NOS1: variants seen among roughly 807,000 people sequenced by gnomAD.
NOS1 encodes the protein NOS type I.
A neutral mutation model predicts 164.5 loss-of-function variants in NOS1; 51 were observed. The ratio of observed to expected loss-of-function variants is 0.31; its 90% CI spans 0.25 to 0.39. The LOEUF is 0.39. NOS1 is among the 10% of genes least tolerant of loss of function. NOS1 has a pLI of 1.00. For synonymous variants in NOS1, 719 were observed against 745.8 expected (o/e 0.96, Z 0.59); for missense variants, 1,362 against 1,885.6 (o/e 0.72, Z 5.14).
intron 26 of NOS1, 44 bp downstream of exon 26, chr12:117,222,671 C>A: frequency 6.3e-7 from 1 of 1,585,138 alleles, no homozygotes; most frequent in Non-Finnish European, 8.6e-7. Flanking sequence ...TCCAAGTGTG[C>A]ATGTGTGTTG....
intron 3 of NOS1, among the ~76,000 whole-genome samples, chr12:117,305,325 G>C (rs182880513): frequency 1.3e-5 from 2 of 152,010 alleles, no homozygotes; most frequent in African/African-American, 4.8e-5. Flanking sequence ...TTAGCCGGAC[G>C]TGGTGGTGGG....
intron 9 of NOS1, among the ~76,000 whole-genome samples, chr12:117,275,168 C>G (rs559808452): frequency 3.3e-5 from 5 of 151,676 alleles, no homozygotes; most frequent in Non-Finnish European, 7.4e-5. Context: ...ATATATACAC[C>G]TACTATCTAC....
chr12:117,251,038 T>C (rs1214038997), intron 17 of NOS1, among the ~76,000 whole-genome samples: 1 of 152,196 alleles, frequency 6.6e-6, no homozygotes, highest in Admixed American at 6.5e-5. Flanking sequence ...TGTCATGGTA[T>C]TAGTGGCCTT....
At chr12:117,353,440 C>CGTAGAGACA (rs1317284361) in intron 1 of NOS1, among the ~76,000 whole-genome samples, 1 of 152,186 alleles carries the variant, frequency 6.6e-6, no homozygotes, top group East Asian at 1.9e-4. Flanking sequence ...TTATCTTCAG[C>CGTAGAGACA]GTAGAGACAG....
rs565345654 is a variant in NOS1 at position 117,291,529 on chromosome 12, C to CTTTTTTTTTTTT, written c.853-1115_853-1104dup. ...CCTCACTGATAAGGATTACATCTGT[C>CTTTTTTTTTTTT]TTTTTTTTTTTTTTTTTTTTTTGAG... On this transcript the variant is annotated intron_variant, in intron 3 of 28. Transcript: ENST00000317775. Among the ~76,000 whole-genome samples the CTTTTTTTTTTTT allele has an allele frequency of 2.7e-4, 26 of 97,378 alleles. 1 individual carries two copies. Among genetic ancestry groups the CTTTTTTTTTTTT allele is most frequent in the East Asian group, 7.0e-4 (2 of 2,842 alleles). The allele number at this position is 97,378 out of a possible 152,430, so 63.9% of individuals were successfully genotyped here.
At chr12:117,290,511 G>A in intron 3 of NOS1, 85 bp from the exon 4 acceptor site, 1 of 1,482,818 alleles carries the variant, frequency 6.7e-7, no homozygotes, top group South Asian at 1.3e-5. Flanking sequence ...GAGAGCCATT[G>A]TTCTTCCTGG....
Position 117,243,191 on chromosome 12 carries a change from G to A in NOS1, c.2962+106C>T, listed in dbSNP as rs1398465383. 7.2e-7 allele frequency: 1 copy of A among 1,392,696 alleles called. No individual in the cohort carries two copies. The highest frequency in any genetic ancestry group is 2.3e-5 in the East Asian group (1 of 43,564). 86.3% of individuals were successfully genotyped at this position (1,392,696 alleles called of 1,614,324 possible). On this transcript the variant is annotated intron_variant, in intron 19 of 28. Transcript: ENST00000317775. The surrounding 1 kb of genome is among the most constrained non-coding windows in gnomAD (Gnocchi z 4.3). ...TTTTGGTAGGACTGCACTAAAGGGAGATCAAAGCAATGAAGCCCATCTTCT... is the reference window on the plus strand; with the variant it reads ...TTTTGGTAGGACTGCACTAAAGGGAAATCAAAGCAATGAAGCCCATCTTCT...
chr12:117,294,073 A>C (rs1222163779), intron 3 of NOS1, among the ~76,000 whole-genome samples: 2 of 152,198 alleles, frequency 1.3e-5, no homozygotes, highest in East Asian at 3.8e-4. Flanking sequence ...TGAGAAAAAA[A>C]ACAAATAATC....
At chr12:117,286,835 T>C (rs1157793726) in intron 5 of NOS1, among the ~76,000 whole-genome samples, 1 of 152,220 alleles carries the variant, frequency 6.6e-6, no homozygotes, top group Non-Finnish European at 1.5e-5. Context: ...GCATTTACCA[T>C]TCTCATACAC....
In NOS1 at chr12:117,330,107, A is replaced by C. The variant is rs1469829794; in HGVS notation, c.725+238T>G. ...ACACTGTCTGCTACCATGATGATTA[A>C]TTCGCTCTGGGTTTTGTGACAAGAG... On this transcript the variant is annotated intron_variant, in intron 2 of 28. Coordinates refer to ENST00000317775, the MANE Select transcript of NOS1 (RefSeq NM_000620.5). The surrounding 1 kb of genome is among the most constrained non-coding windows in gnomAD (Gnocchi z 4.6). Among the ~76,000 whole-genome samples the C allele has an allele frequency of 6.6e-6, 1 of 152,204 alleles. No homozygotes were observed. The highest frequency in any genetic ancestry group is 1.5e-5 in the Non-Finnish European group (1 of 68,032).
intron 7 of NOS1, among the ~76,000 whole-genome samples, chr12:117,283,993 T>A (rs1481784925): frequency 6.6e-6 from 1 of 152,110 alleles, no homozygotes; most frequent in Non-Finnish European, 1.5e-5. Flanking sequence ...GGAAAAGAGT[T>A]GTCTTGGGAA....
rs562218832 is a variant in NOS1, at chr12:117,353,708, A to G, written c.-421+7804T>C. On this transcript the variant is annotated intron_variant, in intron 1 of 28. Coordinates refer to ENST00000317775, the MANE Select transcript of NOS1 (RefSeq NM_000620.5). ...TCATCAGAGTCACAAGATGAAGTAC[A>G]TGGGGCACAATGCTTGACTTAGATG... Among the ~76,000 whole-genome samples, 498 of 152,296 alleles carry G rather than the reference A, an allele frequency of 3.3e-3. 3 individuals are homozygous for G. Among genetic ancestry groups the G allele is most frequent in the Non-Finnish European group, 5.6e-3 (383 of 68,014 alleles).
At chr12:117,289,120 A>G (rs1872888817) in intron 4 of NOS1, among the ~76,000 whole-genome samples, 1 of 152,228 alleles carries the variant, frequency 6.6e-6, no homozygotes, top group South Asian at 2.1e-4. Flanking sequence ...GCCCAGGTTC[A>G]ACAAAAATTT....
At chr12:117,242,579 G>A in intron 20 of NOS1, 48 bp downstream of exon 20, 1 of 1,466,402 alleles carries the variant, frequency 6.8e-7, no homozygotes, top group Non-Finnish European at 9.6e-7. Flanking sequence ...ATCGTGGGTG[G>A]CATTTGGGAG....
chr12:117,331,075 C>T lies in NOS1; in HGVS notation c.-6G>A, dbSNP rs756187023. On this transcript the variant is annotated 5_prime_UTR_variant, in exon 2 of 29. Coordinates refer to ENST00000317775, the MANE Select transcript of NOS1 (RefSeq NM_000620.5). ...CCGAACATGTGATCCTCCATGGTAA[C>T]TAGCTTCCGAGGGGTCCTGTCTGAA... The T allele has an allele frequency of 6.2e-7, 1 of 1,604,106 alleles. No individual in the cohort carries two copies. The highest frequency in any genetic ancestry group is 2.2e-5 in the East Asian group (1 of 44,708).
intron 11 of NOS1, 137 bp from the exon 12 acceptor site, chr12:117,265,647 C>T: frequency 7.4e-6 from 4 of 537,188 alleles, no homozygotes; most frequent in Non-Finnish European, 1.2e-5. Flanking sequence ...GATGGTGATT[C>T]TCTCTGCATT....
chr12:117,242,728 C>T (rs1297673409), intron 19 of NOS1, 23 bp from the exon 20 acceptor site: 2 of 1,609,270 alleles, frequency 1.2e-6, no homozygotes, highest in Non-Finnish European at 1.7e-6. Context: ...AAACAACAGT[C>T]TTCCTGAGAA....
intron 2 of NOS1, among the ~76,000 whole-genome samples, chr12:117,322,852 TACTC>T (rs1875055600): frequency 7.5e-6 from 1 of 133,714 alleles, no homozygotes; most frequent in African/African-American, 2.8e-5. Context: ...CTTCCCTCCT[TACTC>T]CCTCCCTCCC....
At position 117,232,085 on chromosome 12, in the gene NOS1, G is replaced by A. The variant is rs769020729; in HGVS notation, c.3282C>T (p.Thr1094=). ...GGTAGTACTTGAAGGCCTGGAAGAT[G>A]GTGCAGGGCGGGAGGCGGAGCTCGT... ...WTDELRLPPC[T]IFQAFKYYLD... is the part of the protein sequence containing the mutation. Residue 1094 remains threonine, a synonymous_variant, in exon 22 of 29, where the codon ACC becomes ACT. Coordinates refer to ENST00000317775, the MANE Select transcript of NOS1 (RefSeq NM_000620.5). 3.5e-5 allele frequency: 56 copies of A among 1,612,074 alleles called. No individual in the cohort carries two copies. The highest frequency in any genetic ancestry group is 4.4e-5 in the South Asian group (4 of 91,002).
Sources: gnomAD v4.1 joint callset for allele counts (sites outside exome capture counted in the v4.1 genomes callset) on GRCh38, gnomAD v4.1.1 for gene constraint, Gnocchi (gnomAD v3.1) non-coding constraint, MANE v1.5 for transcripts, NCBI Gene and HGNC (gene_info 2026-07-23, HGNC 2026-07-21) for gene names.